ZC3H11A: variants seen among roughly 807,000 people sequenced by gnomAD.
The protein encoded by ZC3H11A is zinc finger CCCH-type containing 11A, also known as zinc finger CCCH domain-containing protein 11A.
Under a neutral mutation model 90.8 loss-of-function variants are expected in ZC3H11A, and 22 were observed. That is an observed-to-expected ratio of 0.24 (90% confidence interval 0.17 to 0.35). The LOEUF (loss-of-function observed/expected upper bound fraction) is 0.35, where lower values mean the gene tolerates loss of function less well. ZC3H11A is among the 10% of genes least tolerant of loss of function. ZC3H11A has a pLI of 1.00. For missense variants in ZC3H11A, 701 were observed against 964.9 expected, an observed-to-expected ratio of 0.73 and a Z score of 3.62; for synonymous variants, 294 against 339.8, an observed-to-expected ratio of 0.87 and a Z score of 1.48.
chr1:203,838,602 T>G (rs573117337), intron 11 of ZC3H11A, among the ~76,000 whole-genome samples: 4 of 152,312 alleles, frequency 2.6e-5, no homozygotes, highest in African/African-American at 9.6e-5. Context: ...TAATATAGTC[T>G]TTAAGCCATG....
At chr1:203,820,468 A>ATGTGTGTGTG (rs71145033) in intron 4 of ZC3H11A, among the ~76,000 whole-genome samples, 1 of 150,384 alleles carries the variant, frequency 6.6e-6, no homozygotes, top group Non-Finnish European at 1.5e-5. Context: ...ATCACAAATT[A>ATGTGTGTGTG]TGTGTGTGTG....
At chr1:203,848,582 G>T (rs148788821) in intron 14 of ZC3H11A, among the ~76,000 whole-genome samples, 175 bp downstream of exon 14, 1 of 151,906 alleles carries the variant, frequency 6.6e-6, no homozygotes, top group African/African-American at 2.4e-5. Flanking sequence ...ATCAGTATTC[G>T]CTGCCCTTTT....
In ZC3H11A at chr1:203,828,284, T is replaced by G. The variant is rs1681220204; in HGVS notation, c.175-15T>G. On this transcript the variant is annotated splice_polypyrimidine_tract_variant and intron_variant, in intron 4 of 17. Coordinates refer to ENST00000367210, the MANE Select transcript of ZC3H11A (RefSeq NM_001376342.1). ...ACTGTTTTATTTGAAAGCAATGTGT[T>G]TTTCCCTCTTACAGAAAAAACGCAG... 1.2e-6 allele frequency: 2 copies of G among 1,613,844 alleles called. No homozygotes were observed. The highest frequency in any genetic ancestry group is 2.2e-5 in the South Asian group (2 of 91,054).
rs1239840177 is a variant in ZC3H11A, at chr1:203,850,695, T to G, written c.2106+14T>G. On this transcript the variant is annotated intron_variant, in intron 16 of 17. Coordinates refer to ENST00000367210, the MANE Select transcript of ZC3H11A (RefSeq NM_001376342.1). The stretch of plus-strand genomic sequence containing the variant: ...AAGGCAGCTGTGGTAAGAAGTATAT[T>G]CACTTTGTGGTGCTTTATTCTGTGT... 6.2e-7 allele frequency: 1 copy of G among 1,611,496 alleles called. No homozygotes were observed. Among genetic ancestry groups the G allele is most frequent in the African/African-American group, 1.3e-5 (1 of 74,842 alleles).
At position 203,853,421 on chromosome 1, in the gene ZC3H11A, C is replaced by T. The variant is rs1347889269; in HGVS notation, c.*1022C>T. 2 of 152,406 alleles carry T rather than the reference C, an allele frequency of 1.3e-5. No homozygotes were observed. Among genetic ancestry groups the T allele is most frequent in the African/African-American group, 4.8e-5 (2 of 41,348 alleles). 9.4% of individuals were successfully genotyped at this position (152,406 alleles called of 1,614,324 possible). A position where few individuals can be genotyped will look rare whatever the true frequency, so the allele number is the denominator to read the frequency against. On this transcript the variant is annotated 3_prime_UTR_variant, in exon 18 of 18. Transcript: ENST00000367210. ...GATGCTCTGGGGGTGTATTGTATAC[C>T]TGCCAGTTTTCTTCATTTCTGAATT...
intron 2 of ZC3H11A, among the ~76,000 whole-genome samples, chr1:203,815,379 CTT>C (rs397711285): frequency 0.19 from 17,974 of 96,556 alleles, 2,105 homozygotes; most frequent in East Asian, 0.7. Flanking sequence ...CCACACCCAG[CTT>C]TTTTTTTTTT....
intron 4 of ZC3H11A, among the ~76,000 whole-genome samples, chr1:203,819,286 A>G (rs1572079369): frequency 1.3e-5 from 2 of 149,480 alleles, no homozygotes; most frequent in East Asian, 2.0e-4. Flanking sequence ...CAGTGGCGCA[A>G]TCTCTGCTTA....
At chr1:203,837,883 C>A in intron 10 of ZC3H11A, 83 bp from the exon 11 acceptor site, 1 of 1,279,866 alleles carries the variant, frequency 7.8e-7, no homozygotes, top group Non-Finnish European at 1.1e-6. Context: ...CAGAATTATG[C>A]TATGTTGTCT....
intron 1 of ZC3H11A, chr1:203,798,542 T>C (rs1319902729): frequency 6.5e-7 from 1 of 1,536,104 alleles, no homozygotes; most frequent in South Asian, 1.2e-5. Context: ...CTGAGAGAAG[T>C]GATCTCTTGA....
chr1:203,831,392 G>T (rs1012499686), intron 8 of ZC3H11A, among the ~76,000 whole-genome samples: 47 of 152,010 alleles, frequency 3.1e-4, no homozygotes, highest in African/African-American at 1.1e-3. Flanking sequence ...TAGCTTTATT[G>T]GTAAATATTA....
chr1:203,798,059 G>A, intron 1 of ZC3H11A: 2 of 1,535,706 alleles, frequency 1.3e-6, no homozygotes, highest in Admixed American at 3.9e-5. Context: ...TGCAAGCAAG[G>A]CATTCACCTC....
At chr1:203,829,720 C>T in intron 6 of ZC3H11A, 60 bp from the exon 7 acceptor site, 3 of 1,611,738 alleles carry the variant, frequency 1.9e-6, no homozygotes, top group Admixed American at 1.7e-5. Flanking sequence ...TGGGCAGAAT[C>T]AGGATTAAAG....
At chr1:203,851,868 C>T (rs750626953) in intron 17 of ZC3H11A, among the ~76,000 whole-genome samples, 14 of 143,658 alleles carry the variant, frequency 9.7e-5, no homozygotes, top group South Asian at 4.6e-4. Flanking sequence ...ACTTGGGAGG[C>T]GGAGGCAAAA....
At chr1:203,807,693 A>AT (rs752618745) in intron 2 of ZC3H11A, among the ~76,000 whole-genome samples, 18 of 150,820 alleles carry the variant, frequency 1.2e-4, no homozygotes, top group Non-Finnish European at 2.7e-4. Context: ...GCCCAGCTAA[A>AT]TTTTTTTTTC....
At chr1:203,842,502 G>A (rs924069166) in intron 12 of ZC3H11A, among the ~76,000 whole-genome samples, 1 of 151,932 alleles carries the variant, frequency 6.6e-6, no homozygotes, top group African/African-American at 2.4e-5. Flanking sequence ...GCAGGCTGAG[G>A]CAGGAGAATC....
At chr1:203,799,304 C>A in intron 1 of ZC3H11A, 1 of 715,086 alleles carries the variant, frequency 1.4e-6, no homozygotes, top group Middle Eastern at 2.3e-4. Flanking sequence ...TCATTCAGGA[C>A]TTTTTCTGCG....
intron 11 of ZC3H11A, among the ~76,000 whole-genome samples, chr1:203,838,972 A>G (rs969280702): frequency 2.0e-3 from 297 of 151,302 alleles, no homozygotes; most frequent in South Asian, 3.8e-3. Context: ...AAAAAAAAAA[A>G]AAAGAAAGAA....
intron 4 of ZC3H11A, among the ~76,000 whole-genome samples, chr1:203,819,140 ATG>A (rs1454263230): frequency 6.8e-6 from 1 of 146,414 alleles, no homozygotes; most frequent in African/African-American, 2.7e-5. Flanking sequence ...ACATATGTAT[ATG>A]TGTGTATATA....
In ZC3H11A at chr1:203,831,007, G is replaced by A. The variant is rs536499161; in HGVS notation, c.701-654G>A. Among the ~76,000 whole-genome samples, 245 of 125,884 alleles carry A rather than the reference G, an allele frequency of 1.9e-3. 2 individuals are homozygous for A. Among genetic ancestry groups the A allele is most frequent in the African/African-American group, 6.8e-3 (226 of 33,014 alleles). 82.6% of individuals were successfully genotyped at this position (125,884 alleles called of 152,430 possible). ...TGTTGCCAGGCTGGAGTGCAATGGCGCAATCTTTGCTCACCACAACCTCCA... is the reference window on the plus strand; with the variant it reads ...TGTTGCCAGGCTGGAGTGCAATGGCACAATCTTTGCTCACCACAACCTCCA... On this transcript the variant is annotated intron_variant, in intron 8 of 17. Transcript: ENST00000367210.
Sources: allele counts gnomAD v4.1 joint callset (sites outside exome capture counted in the v4.1 genomes callset), GRCh38; gene constraint gnomAD v4.1.1; transcripts MANE v1.5; gene names NCBI Gene and HGNC (gene_info 2026-07-23, HGNC 2026-07-21).